RABGAP1L: variants seen among roughly 807,000 people sequenced by gnomAD.
RABGAP1L encodes the protein rab GTPase-activating protein 1-like.
RABGAP1L carries 63 observed loss-of-function variants against 137.7 expected under a neutral mutation model. That is an observed-to-expected ratio of 0.46 (90% CI 0.37 to 0.56). The LOEUF (loss-of-function observed/expected upper bound fraction) is 0.56. Among genes scored for constraint, RABGAP1L ranks in the 20% least tolerant of loss-of-function variants. RABGAP1L has a pLI of 0.00. For missense variants in RABGAP1L, 1,095 were observed against 1,244.0 expected (o/e 0.88, Z 1.80); for synonymous variants, 431 against 433.7 (o/e 0.99, Z 0.08).
At chr1:174,473,527 C>T (rs949862926) in intron 13 of RABGAP1L, among the ~76,000 whole-genome samples, 4 of 152,162 alleles carry the variant, frequency 2.6e-5, no homozygotes, top group Non-Finnish European at 4.4e-5. Context: ...TCCTGTACCA[C>T]GTGTGGCCCT....
chr1:174,471,820 T>A (rs1657973861), intron 13 of RABGAP1L, among the ~76,000 whole-genome samples: 1 of 152,170 alleles, frequency 6.6e-6, no homozygotes, highest in African/African-American at 2.4e-5. Flanking sequence ...CTCCTGGCGT[T>A]CATATATTGA....
chr1:174,466,021 A>G (rs1473391821), intron 13 of RABGAP1L, among the ~76,000 whole-genome samples: 1 of 152,168 alleles, frequency 6.6e-6, no homozygotes, highest in Non-Finnish European at 1.5e-5. Context: ...TTACAGTGGG[A>G]TGAGTAGTTG....
At chr1:174,349,416 C>A (rs1682825902) in intron 11 of RABGAP1L, among the ~76,000 whole-genome samples, 1 of 137,518 alleles carries the variant, frequency 7.3e-6, no homozygotes, top group Admixed American at 7.0e-5. Flanking sequence ...GGCTGACCCC[C>A]CCACCTCCCT....
intron 13 of RABGAP1L, among the ~76,000 whole-genome samples, chr1:174,538,630 A>G (rs1228734208): frequency 1.3e-5 from 2 of 152,166 alleles, no homozygotes; most frequent in Admixed American, 6.6e-5. Context: ...GGTGGTTATA[A>G]TGATATTTCA....
At position 174,271,384 on chromosome 1, in the gene RABGAP1L, G is replaced by A. The variant is rs139576458; in HGVS notation, c.987-1030G>A. On this transcript the variant is annotated intron_variant, in intron 7 of 25. Transcript: ENST00000681986. ...AAAAACAACAAGGATGAGAATAACG[G>A]TTGAGTGGTTAGCTGCCACTATTTT... is the stretch of plus-strand genomic sequence containing the variant. Among the ~76,000 whole-genome samples, 42 of 152,162 alleles carry A rather than the reference G, an allele frequency of 2.8e-4. 1 individual carries two copies. Among genetic ancestry groups the A allele is most frequent in the African/African-American group, 9.9e-4 (41 of 41,546 alleles).
chr1:174,934,715 C>CAGG (rs1168993934), intron 19 of RABGAP1L, among the ~76,000 whole-genome samples: 1 of 152,084 alleles, frequency 6.6e-6, no homozygotes, highest in African/African-American at 2.4e-5. Flanking sequence ...GGCTTGAGCC[C>CAGG]AGGAGGTCAT....
At position 174,269,806 on chromosome 1, in the gene RABGAP1L, T is replaced by C. The variant is rs150470863; in HGVS notation, c.987-2608T>C. ...ATTCTAATTGCCTGTTTACTTATTT[T>C]CCCCCCCACTATACTGTAAACTCCT... On this transcript the variant is annotated intron_variant, in intron 7 of 25. Transcript: ENST00000681986. Among the ~76,000 whole-genome samples the C allele has an allele frequency of 1.1e-3, 162 of 152,170 alleles. 1 individual carries two copies. The highest frequency in any genetic ancestry group is 3.6e-3 in the African/African-American group (150 of 41,524).
chr1:174,902,428 G>A (rs1658300482), intron 19 of RABGAP1L, among the ~76,000 whole-genome samples: 1 of 152,226 alleles, frequency 6.6e-6, no homozygotes, highest in Non-Finnish European at 1.5e-5. Context: ...TGCTGTGGAA[G>A]TGGGGCCCAC....
At chr1:174,291,203 A>C (rs987929407) in intron 10 of RABGAP1L, among the ~76,000 whole-genome samples, 3 of 151,930 alleles carry the variant, frequency 2.0e-5, no homozygotes, top group African/African-American at 4.8e-5. Context: ...AACTCTATCA[A>C]ATATTTTTCT....
chr1:174,542,863 T>C (rs1318883532), intron 13 of RABGAP1L, among the ~76,000 whole-genome samples: 1 of 152,224 alleles, frequency 6.6e-6, no homozygotes, highest in African/African-American at 2.4e-5. Context: ...CTGGTAGTCA[T>C]TCAGGACAAG....
At chr1:174,434,230 A>C (rs1157563764) in intron 13 of RABGAP1L, among the ~76,000 whole-genome samples, 2 of 152,020 alleles carry the variant, frequency 1.3e-5, no homozygotes, top group Non-Finnish European at 2.9e-5. Context: ...ATATAAAATC[A>C]TGCAATGTGT....
intron 13 of RABGAP1L, among the ~76,000 whole-genome samples, chr1:174,612,147 A>T (rs1382124428): frequency 6.6e-6 from 1 of 152,182 alleles, no homozygotes; most frequent in Admixed American, 6.5e-5. Flanking sequence ...TTTCAAAGGG[A>T]ATGCTTCCAG....
At chr1:174,204,842 T>C (rs1330801318) in intron 1 of RABGAP1L, among the ~76,000 whole-genome samples, 1 of 152,186 alleles carries the variant, frequency 6.6e-6, no homozygotes, top group African/African-American at 2.4e-5. Flanking sequence ...CTCTCTCTCT[T>C]TCCTGCTCCT....
chr1:174,603,935 C>A (rs1356408396), intron 13 of RABGAP1L, among the ~76,000 whole-genome samples: 2 of 151,202 alleles, frequency 1.3e-5, no homozygotes, highest in African/African-American at 4.9e-5. Context: ...AGACAAAGTC[C>A]TTTTTACTCT....
chr1:174,241,693 A>T lies in RABGAP1L; in HGVS notation c.717+36A>T, dbSNP rs749656186. 6 of 1,485,540 alleles carry T rather than the reference A, an allele frequency of 4.0e-6. No homozygotes were observed. In the South Asian group the frequency reaches 7.7e-5, roughly 19 times the overall value. The allele number at this position is 1,485,540 out of a possible 1,614,324, so 92.0% of individuals were successfully genotyped here. ...TATAGTATAGCAATTTGCTATAGAG[A>T]TGAATTAGGGTAATATTTTTGAGCT... On this transcript the variant is annotated intron_variant, in intron 5 of 25. Transcript: ENST00000681986.
chr1:174,635,701 A>T (rs10912828), intron 13 of RABGAP1L, among the ~76,000 whole-genome samples: 56,156 of 151,898 alleles, frequency 0.37, 13,639 homozygotes, highest in African/African-American at 0.69. Flanking sequence ...TTTCCTCTGG[A>T]TCGATTTGTA....
At chr1:174,908,372 A>G (rs1573774154) in intron 19 of RABGAP1L, among the ~76,000 whole-genome samples, 2 of 152,200 alleles carry the variant, frequency 1.3e-5, no homozygotes, top group East Asian at 1.9e-4. Flanking sequence ...CACATGGAAT[A>G]TTCCCCAGAA....
At chr1:174,429,593 G>A (rs984287518) in intron 13 of RABGAP1L, among the ~76,000 whole-genome samples, 10 of 152,046 alleles carry the variant, frequency 6.6e-5, no homozygotes, top group Non-Finnish European at 1.3e-4. Context: ...ACAAAAATTA[G>A]CCAGACATGG....
At chr1:174,617,571 T>G (rs972655387) in intron 13 of RABGAP1L, among the ~76,000 whole-genome samples, 11 of 152,212 alleles carry the variant, frequency 7.2e-5, no homozygotes, top group African/African-American at 2.7e-4. Context: ...TACTTTTAGG[T>G]AACTAAAACC....
Sources: allele counts gnomAD v4.1 joint callset (sites outside exome capture counted in the v4.1 genomes callset), GRCh38; gene constraint gnomAD v4.1.1; transcripts MANE v1.5; gene names NCBI Gene and HGNC (gene_info 2026-07-23, HGNC 2026-07-21).